Variants in MBD5 observed in about 807,000 individuals in gnomAD.
MBD5 encodes the protein methyl-CpG-binding domain protein 5.
Under a neutral mutation model 117.3 loss-of-function variants are expected in MBD5, and 13 were observed. The ratio of observed to expected loss-of-function variants is 0.11; its 90% CI spans 0.07 to 0.18. The LOEUF is 0.18. Among genes scored for constraint, MBD5 ranks in the 10% least tolerant of loss-of-function variants. The pLI is 1.00. For synonymous variants in MBD5, 727 were observed against 766.4 expected (o/e 0.95, Z 0.85); for missense variants, 1,879 against 2,093.8 (o/e 0.90, Z 2.00).
chr2:148,103,209 G>A (rs1389839201), intron 1 of MBD5, among the ~76,000 whole-genome samples: 1 of 152,066 alleles, frequency 6.6e-6, no homozygotes, highest in Non-Finnish European at 1.5e-5. Context: ...CTCCAACTAC[G>A]TTGCTACTTA....
chr2:148,195,528 T>C (rs1698961523), intron 2 of MBD5, among the ~76,000 whole-genome samples: 1 of 152,128 alleles, frequency 6.6e-6, no homozygotes, highest in South Asian at 2.1e-4. Context: ...AATAGAAACC[T>C]TCAACAACAC....
chr2:148,029,841 C>T (rs992556128), intron 1 of MBD5, among the ~76,000 whole-genome samples: 5 of 152,030 alleles, frequency 3.3e-5, no homozygotes, highest in African/African-American at 7.2e-5. Context: ...TTTTTATTGA[C>T]ATCCAAGTTT....
rs557855203 is a variant in MBD5, at chr2:148,292,576, A to G, written c.-679-49638A>G. ...CAAAAGATAGGTAATAACAAATGCTAGCTAGGATGTGGAAAAAAGGGAACC... is the reference window on the plus strand; with the variant it reads ...CAAAAGATAGGTAATAACAAATGCTGGCTAGGATGTGGAAAAAAGGGAACC... On this transcript the variant is annotated intron_variant, in intron 3 of 13. Coordinates refer to ENST00000642680, the MANE Select transcript of MBD5 (RefSeq NM_001378120.1). Among the ~76,000 whole-genome samples, 355 of 152,290 alleles carry G rather than the reference A, an allele frequency of 2.3e-3. 2 individuals are homozygous for G. Among genetic ancestry groups the G allele is most frequent in the African/African-American group, 7.9e-3 (330 of 41,578 alleles).
chr2:148,069,559 T>C (rs980391285), intron 1 of MBD5, among the ~76,000 whole-genome samples: 1 of 152,144 alleles, frequency 6.6e-6, no homozygotes, highest in African/African-American at 2.4e-5. Context: ...TTAGAAGCTA[T>C]GTCACAATGC....
chr2:148,203,096 C>T (rs1187599520), intron 2 of MBD5, among the ~76,000 whole-genome samples: 2 of 139,532 alleles, frequency 1.4e-5, no homozygotes, highest in South Asian at 2.3e-4. Context: ...CATCACGAGA[C>T]TCCATCTCAA....
intron 1 of MBD5, among the ~76,000 whole-genome samples, chr2:148,095,939 G>T (rs553239772): frequency 1.5e-4 from 23 of 152,172 alleles, no homozygotes; most frequent in Non-Finnish European, 2.9e-4. Flanking sequence ...AAAAGTAATT[G>T]AAATGCTATT....
intron 2 of MBD5, among the ~76,000 whole-genome samples, chr2:148,202,639 G>T (rs1405011911): frequency 6.6e-6 from 1 of 152,124 alleles, no homozygotes; most frequent in Non-Finnish European, 1.5e-5. Context: ...TTGCACTTGG[G>T]ATTGATGTGA....
intron 3 of MBD5, among the ~76,000 whole-genome samples, chr2:148,318,941 C>G (rs1481138333): frequency 6.6e-6 from 1 of 152,120 alleles, no homozygotes; most frequent in Non-Finnish European, 1.5e-5. Context: ...GTGTGGAACT[C>G]CTGGCCTCAA....
chr2:148,358,566 C>A (rs1320757594), intron 4 of MBD5, among the ~76,000 whole-genome samples: 4 of 145,088 alleles, frequency 2.8e-5, no homozygotes, highest in Non-Finnish European at 6.0e-5. Context: ...ATCACTTGAG[C>A]TGTGAAATTC....
chr2:148,294,750 C>T (rs1374455020), intron 3 of MBD5, among the ~76,000 whole-genome samples: 2 of 152,080 alleles, frequency 1.3e-5, no homozygotes, highest in Non-Finnish European at 2.9e-5. Context: ...CAGTGATCTG[C>T]ACACCTCTGC....
At chr2:148,510,546 A>G (rs1016848764) in intron 13 of MBD5, among the ~76,000 whole-genome samples, 3 of 152,240 alleles carry the variant, frequency 2.0e-5, no homozygotes, top group Non-Finnish European at 2.9e-5. Flanking sequence ...GACCTCTCAT[A>G]TCCCATTTTT....
intron 3 of MBD5, among the ~76,000 whole-genome samples, chr2:148,288,903 T>A (rs4972347): frequency 0.28 from 42,307 of 152,122 alleles, 6,557 homozygotes; most frequent in Admixed American, 0.37. Flanking sequence ...TAGTAAGTTC[T>A]GTAATTAATA....
intron 4 of MBD5, 71 bp from the exon 5 acceptor site, chr2:148,458,132 A>G (rs566956206): frequency 2.3e-5 from 9 of 396,398 alleles, no homozygotes; most frequent in Non-Finnish European, 3.6e-5. Flanking sequence ...AGTTTATTCT[A>G]TTTTAAAACT....
intron 1 of MBD5, chr2:148,024,947 T>A (rs1693855733): frequency 6.6e-6 from 1 of 152,174 alleles, no homozygotes; most frequent in African/African-American, 2.4e-5. Flanking sequence ...CTGACTTTGT[T>A]TTTTTGGTCC....
chr2:148,298,628 C>T (rs974757514), intron 3 of MBD5, among the ~76,000 whole-genome samples: 9 of 152,174 alleles, frequency 5.9e-5, no homozygotes, highest in African/African-American at 1.9e-4. Context: ...GGGCTATTAT[C>T]TTTTGGACAG....
chr2:148,460,799 T>A (rs941183131), intron 5 of MBD5, among the ~76,000 whole-genome samples: 1 of 152,252 alleles, frequency 6.6e-6, no homozygotes, highest in Admixed American at 6.5e-5. Flanking sequence ...GGAATTCATG[T>A]CTTCAGGTTT....
intron 4 of MBD5, among the ~76,000 whole-genome samples, chr2:148,396,634 T>C (rs1704722649): frequency 1.3e-5 from 2 of 152,232 alleles, no homozygotes; most frequent in South Asian, 4.1e-4. Flanking sequence ...CTTTGTGCAG[T>C]CACCTTTATG....
intron 4 of MBD5, among the ~76,000 whole-genome samples, chr2:148,418,508 A>C (rs1479208218): frequency 6.6e-6 from 1 of 152,202 alleles, no homozygotes; most frequent in Non-Finnish European, 1.5e-5. Context: ...CTAGATTTAA[A>C]AAATGTATTT....
chr2:148,356,205 C>T (rs1169467304), intron 4 of MBD5, among the ~76,000 whole-genome samples: 1 of 152,082 alleles, frequency 6.6e-6, no homozygotes, highest in South Asian at 2.1e-4. Context: ...TTCCCTCTAC[C>T]TGCAACATAA....
Sources: allele counts gnomAD v4.1 joint callset (sites outside exome capture counted in the v4.1 genomes callset), GRCh38; gene constraint gnomAD v4.1.1; transcripts MANE v1.5; gene names NCBI Gene and HGNC (gene_info 2026-07-23, HGNC 2026-07-21).